The following PLCB4 variants were observed in gnomAD, a reference collection of about 807,000 sequenced individuals.
PLCB4 encodes the protein phospholipase C beta 4.
In PLCB4, 77 loss-of-function variants were observed where a neutral mutation model predicts 178.8. The observed-to-expected ratio is 0.43, with a 90% CI of 0.36 to 0.52. The LOEUF is 0.52. PLCB4 is among the 20% of genes least tolerant of loss of function. PLCB4 has a pLI of 0.00. For synonymous variants in PLCB4, 496 were observed against 490.8 expected, an observed-to-expected ratio of 1.01 and a Z score of -0.14; for missense variants, 1,024 against 1,453.4, an observed-to-expected ratio of 0.70 and a Z score of 4.80.
At chr20:9,260,063 A>G (rs2094281554) in intron 3 of PLCB4, among the ~76,000 whole-genome samples, 1 of 152,108 alleles carries the variant, frequency 6.6e-6, no homozygotes, top group Non-Finnish European at 1.5e-5. Context: ...TGTTCATACC[A>G]TCCCAGAAGT....
At chr20:9,101,696 C>T (rs6039390) in intron 2 of PLCB4, among the ~76,000 whole-genome samples, 133,421 of 152,204 alleles carry the variant, frequency 0.88, 58,923 homozygotes, top group East Asian at 1. Context: ...TCTTCTTGCA[C>T]TGAGTAGTAG....
intron 23 of PLCB4, 75 bp downstream of exon 23, chr20:9,408,792 G>T (rs1025150934): frequency 1.1e-5 from 9 of 786,070 alleles, no homozygotes; most frequent in Admixed American, 1.9e-5. Context: ...TAGATAAATG[G>T]CTAATATCTC....
intron 2 of PLCB4, among the ~76,000 whole-genome samples, chr20:9,167,502 C>T (rs1436141864): frequency 1.3e-5 from 2 of 151,940 alleles, no homozygotes; most frequent in African/African-American, 4.8e-5. Flanking sequence ...AGTCTCTTTT[C>T]CTAAATAAGA....
chr20:9,361,762 T>C (rs2035354271), intron 7 of PLCB4, among the ~76,000 whole-genome samples: 1 of 152,216 alleles, frequency 6.6e-6, no homozygotes, highest in African/African-American at 2.4e-5. Flanking sequence ...TTAAATTGCT[T>C]GACTTTTTAA....
At chr20:9,127,602 C>T (rs921547891) in intron 2 of PLCB4, among the ~76,000 whole-genome samples, 1 of 151,854 alleles carries the variant, frequency 6.6e-6, no homozygotes, top group Non-Finnish European at 1.5e-5. Flanking sequence ...GCCCATACTA[C>T]TCAACATTTA....
intron 4 of PLCB4, among the ~76,000 whole-genome samples, chr20:9,314,521 G>A: frequency 6.6e-6 from 1 of 152,166 alleles, no homozygotes; most frequent in East Asian, 1.9e-4. Flanking sequence ...GATGCAAGGT[G>A]GAGAGAATGC....
chr20:9,179,708 C>T (rs547766694), intron 2 of PLCB4, among the ~76,000 whole-genome samples: 2 of 152,240 alleles, frequency 1.3e-5, no homozygotes, highest in African/African-American at 4.8e-5. Context: ...ATTTTAGCCT[C>T]TTTGAGTACA....
At chr20:9,385,981 G>A (rs1029477168) in intron 14 of PLCB4, among the ~76,000 whole-genome samples, 1 of 152,242 alleles carries the variant, frequency 6.6e-6, no homozygotes, top group Non-Finnish European at 1.5e-5. Context: ...CATTGAGTGA[G>A]CGAGACTCCG....
intron 3 of PLCB4, among the ~76,000 whole-genome samples, chr20:9,224,327 A>G (rs1474273262): frequency 6.6e-6 from 1 of 152,110 alleles, no homozygotes; most frequent in African/African-American, 2.4e-5. Flanking sequence ...CTTACCCAGT[A>G]AGCTGGACTG....
chr20:9,373,178 G>A (rs1301435969), intron 12 of PLCB4, 74 bp downstream of exon 12: 8 of 710,820 alleles, frequency 1.1e-5, no homozygotes, highest in African/African-American at 1.8e-5. Flanking sequence ...CTCATTGCAT[G>A]CCTGCATCAT....
intron 15 of PLCB4, among the ~76,000 whole-genome samples, chr20:9,389,260 ACACTTCTATGTTT>A (rs1469720108): frequency 1.3e-5 from 2 of 152,208 alleles, no homozygotes; most frequent in African/African-American, 4.8e-5. Flanking sequence ...GGGGTCAAGA[ACACTTCTATGTTT>A]CACTTACATG....
intron 12 of PLCB4, among the ~76,000 whole-genome samples, chr20:9,373,866 T>C (rs2148310718): frequency 6.6e-6 from 1 of 152,326 alleles, no homozygotes; most frequent in Admixed American, 6.5e-5. Flanking sequence ...TTCCCTTCAG[T>C]GAAACCCATC....
rs2044789538 is a variant in PLCB4 at position 9,480,053 on chromosome 20, CTTCAAG to C, written c.*1048_*1053del. 6.6e-6 allele frequency: 1 copy of C among 152,520 alleles called. No homozygotes were observed. Among genetic ancestry groups the C allele is most frequent in the African/African-American group, 2.4e-5 (1 of 41,400 alleles). The allele number at this position is 152,520 out of a possible 1,614,324, so 9.4% of individuals were successfully genotyped here. ...ATGAATTATGTGGGCATTCTTGATA[CTTCAAG>C]TTCTAGTTTGAAAAAAATACATAAC... On this transcript the variant is annotated 3_prime_UTR_variant, in exon 40 of 40. Transcript: ENST00000378473.
intron 1 of PLCB4, among the ~76,000 whole-genome samples, chr20:9,079,189 C>T (rs1365655506): frequency 6.6e-6 from 1 of 152,186 alleles, no homozygotes; most frequent in Non-Finnish European, 1.5e-5. Context: ...CAGTGGAGGG[C>T]ACCACCTGGT....
rs773211323 is a variant in PLCB4 at position 9,459,745 on chromosome 20, G to C, written c.3183G>C (p.Leu1061=). Residue 1061 remains leucine, a synonymous_variant, in exon 35 of 40, where the codon CTG becomes CTC. Transcript: ENST00000378473. ...RDLHLSQQCE[L]LKKLLINAHE... ...TGCACCTCAGCCAGCAGTGTGAGCT[G>C]CTGAAAAAGCTACTCATCAATGCCC... 1.2e-6 allele frequency: 2 copies of C among 1,613,284 alleles called. No individual in the cohort carries two copies. The highest frequency in any genetic ancestry group is 3.3e-5 in the Admixed American group (2 of 59,978).
chr20:9,215,857 G>A lies in PLCB4; in HGVS notation c.-78-1533G>A, dbSNP rs2093725183. On this transcript the variant is annotated intron_variant, in intron 2 of 39. Transcript: ENST00000378473. ...ATTTACATATAGATTAGTGAGGTTT[G>A]TCTTAACACAATGGAGCCATAGTAT... 4.6e-5 allele frequency among the ~76,000 whole-genome samples: 7 copies of A among 152,152 alleles called. No individual in the cohort carries two copies. The South Asian group carries it at 1.5e-3, about 32-fold the overall frequency.
intron 4 of PLCB4, among the ~76,000 whole-genome samples, chr20:9,325,151 G>A (rs999040700): frequency 1.3e-5 from 2 of 152,148 alleles, no homozygotes; most frequent in African/African-American, 4.8e-5. Flanking sequence ...ATCAGTTTGC[G>A]GCGGTGTTTC....
chr20:9,150,907 A>G (rs1374084407), intron 2 of PLCB4, among the ~76,000 whole-genome samples: 3 of 152,200 alleles, frequency 2.0e-5, no homozygotes, highest in Non-Finnish European at 4.4e-5. Context: ...TTGTGAGAGC[A>G]AAGCTGTGCA....
intron 3 of PLCB4, among the ~76,000 whole-genome samples, chr20:9,255,524 G>GT (rs747482352): frequency 0.013 from 1,685 of 131,950 alleles, 9 homozygotes; most frequent in African/African-American, 0.015. Context: ...TTTGAACTTA[G>GT]TTTTTTTTTT....
Sources: gnomAD v4.1 joint callset for allele counts (sites outside exome capture counted in the v4.1 genomes callset) on GRCh38, gnomAD v4.1.1 for gene constraint, MANE v1.5 for transcripts, NCBI Gene and HGNC (gene_info 2026-07-23, HGNC 2026-07-21) for gene names.